Variants in CDH11 observed in about 807,000 individuals in gnomAD.
CDH11 encodes cadherin-11.
A neutral mutation model predicts 67.8 loss-of-function variants in CDH11; 11 were observed. The ratio of observed to expected loss-of-function variants is 0.16; its 90% confidence interval spans 0.10 to 0.27. CDH11 has a LOEUF of 0.27. Among genes scored for constraint, CDH11 ranks in the 10% least tolerant of loss-of-function variants. The pLI, the probability that CDH11 is intolerant of heterozygous loss-of-function variation, is 1.00. For synonymous variants in CDH11, 419 were observed against 400.0 expected (o/e 1.05, Z -0.57); for missense variants, 847 against 1,031.2 (o/e 0.82, Z 2.45).
chr16:65,031,880 G>A (rs2093618022), intron 2 of CDH11, among the ~76,000 whole-genome samples: 2 of 152,048 alleles, frequency 1.3e-5, no homozygotes, highest in Non-Finnish European at 2.9e-5. Flanking sequence ...CCATAATTTT[G>A]GTGTCTGTCC....
intron 11 of CDH11, among the ~76,000 whole-genome samples, chr16:64,959,895 C>CTGAGTGAATCTGTCT: frequency 6.6e-6 from 1 of 152,182 alleles, no homozygotes; most frequent in Non-Finnish European, 1.5e-5. Flanking sequence ...TTGATTTAAT[C>CTGAGTGAATCTGTCT]TGAGTGAATC....
At chr16:65,059,739 C>T (rs777523452) in intron 1 of CDH11, 3 of 152,216 alleles carry the variant, frequency 2.0e-5, no homozygotes, top group South Asian at 4.1e-4. Flanking sequence ...TTGTGTCCAA[C>T]AAAACACGCC....
At chr16:65,056,999 T>A (rs961857739) in intron 1 of CDH11, among the ~76,000 whole-genome samples, 47 of 152,180 alleles carry the variant, frequency 3.1e-4, no homozygotes, top group Non-Finnish European at 3.4e-4. Context: ...AAAGAGGGAC[T>A]GTGGATTCTG....
At position 64,945,237 on chromosome 16, in the gene CDH11, A is replaced by G; in HGVS notation, c.*2366T>C. ...AAGGACTCCACTAGTTGGGAAAGAC[A>G]TTTTATTTCCAAGTTTCTAAGAGTG... On this transcript the variant is annotated 3_prime_UTR_variant, in exon 13 of 13. Coordinates refer to ENST00000268603, the MANE Select transcript of CDH11 (RefSeq NM_001797.4). The G allele has an allele frequency of 3.7e-6, 1 of 270,544 alleles. No homozygotes were observed. Among genetic ancestry groups the G allele is most frequent in the Non-Finnish European group, 6.2e-6 (1 of 161,282 alleles). The allele number at this position is 270,544 out of a possible 1,614,324, so 16.8% of individuals were successfully genotyped here.
Position 65,111,842 on chromosome 16 carries a change from C to T in CDH11, c.-298+10038G>A, listed in dbSNP as rs139919870. Among the ~76,000 whole-genome samples the T allele has an allele frequency of 3.1e-3, 468 of 152,028 alleles. 5 individuals carry two copies. Among genetic ancestry groups the T allele is most frequent in the African/African-American group, 0.011 (458 of 41,488 alleles). On this transcript the variant is annotated intron_variant, in intron 1 of 12. Transcript: ENST00000268603. ...ATCTCAGCACTTTGGGAGGCCAAGG[C>T]GGGTGGATCACAAGGTCAGGAGTTC...
intron 12 of CDH11, among the ~76,000 whole-genome samples, chr16:64,950,335 T>G (rs1355931321): frequency 6.6e-6 from 1 of 152,270 alleles, no homozygotes; most frequent in East Asian, 1.9e-4. Flanking sequence ...TGCTGTGTTT[T>G]GCTCCTTCTT....
chr16:64,975,479 G>A (rs1476095738), intron 8 of CDH11, among the ~76,000 whole-genome samples: 1 of 152,152 alleles, frequency 6.6e-6, no homozygotes, highest in Non-Finnish European at 1.5e-5. Flanking sequence ...GGTGATGAGA[G>A]TGAAGTACAG....
chr16:65,087,772 A>T (rs2074725343), intron 1 of CDH11, among the ~76,000 whole-genome samples: 1 of 152,176 alleles, frequency 6.6e-6, no homozygotes, highest in South Asian at 2.1e-4. Context: ...GGAATCTACA[A>T]AAAAGTGGGC....
chr16:65,053,939 T>G lies in CDH11; in HGVS notation c.-297-11A>C, dbSNP rs748496046. The G allele has an allele frequency of 4.4e-5, 20 of 455,802 alleles. No individual in the cohort carries two copies. The highest frequency in any genetic ancestry group is 6.5e-4 in the Middle Eastern group (2 of 3,090). 28.2% of individuals were successfully genotyped at this position (455,802 alleles called of 1,614,324 possible). A position where few individuals can be genotyped will look rare whatever the true frequency, so the allele number is the denominator to read the frequency against. ...AAAACACAGTGATTTCTGCAAAAAG[T>G]GAAAGGATCATTAGTAACCTAGTGG... On this transcript the variant is annotated splice_polypyrimidine_tract_variant and intron_variant, in intron 1 of 12. Transcript: ENST00000268603.
At chr16:65,098,166 G>C (rs931810742) in intron 1 of CDH11, among the ~76,000 whole-genome samples, 11 of 151,974 alleles carry the variant, frequency 7.2e-5, no homozygotes, top group African/African-American at 2.7e-4. Context: ...CTGACCAATG[G>C]GTATCTTCAG....
At chr16:65,101,927 G>A (rs1439470767) in intron 1 of CDH11, among the ~76,000 whole-genome samples, 1 of 152,172 alleles carries the variant, frequency 6.6e-6, no homozygotes, top group Non-Finnish European at 1.5e-5. Flanking sequence ...GGGTGGATGG[G>A]CAGATGACAT....
At position 64,946,266 on chromosome 16, in the gene CDH11, C is replaced by T; in HGVS notation, c.*1337G>A. The stretch of plus-strand genomic sequence containing the variant: ...CAACTATCAAGAGTCTTACAATAGC[C>T]TGGTAAGTTCAACAGAAGAAAAAAT... On this transcript the variant is annotated 3_prime_UTR_variant, in exon 13 of 13. Transcript: ENST00000268603. 9.5e-7 allele frequency: 1 copy of T among 1,047,542 alleles called. No homozygotes were observed. The highest frequency in any genetic ancestry group is 1.2e-6 in the Non-Finnish European group (1 of 868,108). 64.9% of individuals were successfully genotyped at this position (1,047,542 alleles called of 1,614,324 possible). A position where few individuals can be genotyped will look rare whatever the true frequency, so the allele number is the denominator to read the frequency against.
chr16:65,083,025 A>G (rs1414626752), intron 1 of CDH11, among the ~76,000 whole-genome samples: 1 of 152,244 alleles, frequency 6.6e-6, no homozygotes, highest in Non-Finnish European at 1.5e-5. Flanking sequence ...ACAATAGGAA[A>G]GAATACCTTA....
At chr16:64,979,800 T>G (rs1270858396) in intron 8 of CDH11, among the ~76,000 whole-genome samples, 1 of 152,146 alleles carries the variant, frequency 6.6e-6, no homozygotes, top group Non-Finnish European at 1.5e-5. Context: ...ATAGCCAAGT[T>G]TGGAAACAAC....
chr16:64,950,650 T>G, intron 12 of CDH11, 117 bp downstream of exon 12: 24 of 628,812 alleles, frequency 3.8e-5, no homozygotes, highest in East Asian at 6.2e-5. Flanking sequence ...TTTCTTGAAC[T>G]GTGTCGACAG....
intron 1 of CDH11, among the ~76,000 whole-genome samples, chr16:65,110,490 A>G (rs1474562710): frequency 6.6e-6 from 1 of 152,128 alleles, no homozygotes; most frequent in Non-Finnish European, 1.5e-5. Context: ...TACAACGAGA[A>G]GAGTGAAGGC....
rs1157983176 is a variant in CDH11, at chr16:65,096,572, A to G, written c.-298+25308T>C. On this transcript the variant is annotated intron_variant, in intron 1 of 12. Coordinates refer to ENST00000268603, the MANE Select transcript of CDH11 (RefSeq NM_001797.4). ...ACATGCCAAATATATATACACACAT[A>G]TATTATACATATTATATACATAACA... Among the ~76,000 whole-genome samples the G allele has an allele frequency of 3.3e-5, 5 of 151,202 alleles. No homozygotes were observed. In the Admixed American group the frequency reaches 3.3e-4, roughly 10 times the overall value.
intron 7 of CDH11, chr16:64,986,436 C>G (rs1597055545): frequency 6.6e-6 from 1 of 151,986 alleles, no homozygotes; most frequent in African/African-American, 2.4e-5. Context: ...TTCAGAGATA[C>G]AGTGTGTGTT....
intron 1 of CDH11, among the ~76,000 whole-genome samples, chr16:65,109,145 T>C (rs1488377608): frequency 6.6e-6 from 1 of 151,092 alleles, no homozygotes; most frequent in East Asian, 1.9e-4. Flanking sequence ...AGACTCTGTT[T>C]CGAAAAAAAA....
Sources: gnomAD v4.1 joint callset for allele counts (sites outside exome capture counted in the v4.1 genomes callset) on GRCh38, gnomAD v4.1.1 for gene constraint, MANE v1.5 for transcripts, NCBI Gene and HGNC (gene_info 2026-07-23, HGNC 2026-07-21) for gene names.